The following SLC22A6 variants were observed in gnomAD, a reference collection of about 807,000 sequenced individuals.
SLC22A6 encodes the protein PAH transporter.
Under a neutral mutation model 56.7 loss-of-function variants are expected in SLC22A6, and 45 were observed. That is an observed-to-expected ratio of 0.79 (90% CI 0.63 to 1.02). The LOEUF is 1.02. SLC22A6 is among the 50% of genes least tolerant of loss of function. SLC22A6 has a pLI of 0.00. For synonymous variants in SLC22A6, 291 were observed against 295.9 expected (o/e 0.98, Z 0.17); for missense variants, 606 against 713.8 (o/e 0.85, Z 1.72).
intron 8 of SLC22A6, 79 bp from the exon 9 acceptor site, chr11:62,977,466 C>A: frequency 3.4e-6 from 5 of 1,492,368 alleles, no homozygotes; most frequent in Non-Finnish European, 3.6e-6. Flanking sequence ...TGGAGGGTGG[C>A]AGCTCAGGCT....
At position 62,977,396 on chromosome 11, in the gene SLC22A6, C is replaced by T. The variant is rs1199556225; in HGVS notation, c.1362-9G>A. 8 of 1,604,154 alleles carry T rather than the reference C, an allele frequency of 5.0e-6. No homozygotes were observed. Among genetic ancestry groups the T allele is most frequent in the South Asian group, 1.1e-5 (1 of 90,702 alleles). ...TTCCCATGCCTGTCTGCCTGCAGGG[C>T]CCGCAGCAGATGGGTGTTGGTTAGA... On this transcript the variant is annotated splice_polypyrimidine_tract_variant and intron_variant, in intron 8 of 9. Coordinates refer to ENST00000360421, the MANE Select transcript of SLC22A6 (RefSeq NM_153276.3).
rs754064955 is a variant in SLC22A6 at position 62,984,370 on chromosome 11, A to G, written c.321T>C (p.Asp107=). 1 of 1,613,542 alleles carries G rather than the reference A, an allele frequency of 6.2e-7. No individual in the cohort carries two copies. Among genetic ancestry groups the G allele is most frequent in the African/African-American group, 1.3e-5 (1 of 74,738 alleles). The change falls in exon 1 of 10, where the codon GAT becomes GAC. Residue 107 remains aspartate (D), a synonymous_variant. Coordinates refer to ENST00000360421, the MANE Select transcript of SLC22A6 (RefSeq NM_153276.3). ...NGTGATEPCT[D]GWIYDNSTFP... is the part of the protein sequence containing the mutation. ...AGGTGCTGTTGTCATAGATCCAGCC[A>G]TCGGTGCAGGGCTCTGTGGCCCCTG...
In SLC22A6 at chr11:62,981,868, A is replaced by G. The variant is rs1328414918; in HGVS notation, c.771T>C (p.Pro257=). The G allele has an allele frequency of 3.7e-6, 6 of 1,612,562 alleles. No individual in the cohort carries two copies. The African/African-American group carries it at 5.3e-5, about 14-fold the overall frequency. ...WRHLQLLVSA[P]FFAFFIYSWF... ...AGGAGTAGATGAAGAAGGCAAAAAA[A>G]GGCGCAGAGACCAGTAGCTGCAGGT... Residue 257 remains proline (P), a synonymous_variant, in exon 4 of 10, where the codon CCT becomes CCC. Coordinates refer to ENST00000360421, the MANE Select transcript of SLC22A6 (RefSeq NM_153276.3).
chr11:62,984,154 G>T, intron 1 of SLC22A6, 107 bp from the exon 2 acceptor site: 2 of 1,190,536 alleles, frequency 1.7e-6, no homozygotes, highest in Non-Finnish European at 2.4e-6. Flanking sequence ...TCTTCCTCCG[G>T]CACTTTGCCC....
chr11:62,979,681 A>G, intron 7 of SLC22A6, 53 bp downstream of exon 7: 1 of 1,593,630 alleles, frequency 6.3e-7, no homozygotes, highest in Non-Finnish European at 8.6e-7. Flanking sequence ...ATATTGGGTT[A>G]TGTGTGGGGA....
chr11:62,984,264 T>TA, intron 1 of SLC22A6, 58 bp downstream of exon 1: 1 of 1,513,158 alleles, frequency 6.6e-7, no homozygotes, highest in East Asian at 2.3e-5. Flanking sequence ...TTTTTTTTTT[T>TA]AACAAAGGCC....
Position 62,983,961 on chromosome 11 carries a change from G to C in SLC22A6, c.456C>G (p.Phe152Leu), listed in dbSNP as rs769299835. ...MVGVLLGAMV[F>L]GYLADRLGRR... ...GGACTGACCTGTCTGCAAGGTAGCC[G>C]AACACCATGGCTCCGAGCAGCACCC... Residue 152 changes from phenylalanine (F) to leucine (L), a missense_variant, in exon 2 of 10, where the codon TTC becomes TTG. By Grantham distance (22) the Phe-to-Leu change is conservative. Coordinates refer to ENST00000360421, the MANE Select transcript of SLC22A6 (RefSeq NM_153276.3). This position sits in a 1 kb window ranked among gnomAD's most constrained non-coding sequence, Gnocchi z 4.5. 6.2e-7 allele frequency: 1 copy of C among 1,612,766 alleles called. No homozygotes were observed. The highest frequency in any genetic ancestry group is 8.5e-7 in the Non-Finnish European group (1 of 1,179,054).
At position 62,977,361 on chromosome 11, in the gene SLC22A6, G is replaced by T; in HGVS notation, c.1388C>A (p.Thr463Asn). 1 of 1,611,762 alleles carries T rather than the reference G, an allele frequency of 6.2e-7. No homozygotes were observed. The change falls in exon 9 of 10, where the codon ACC (threonine) becomes AAC (asparagine). Residue 463 changes from threonine (T) to asparagine (N), a missense_variant. Transcript: ENST00000360421. The stretch of plus-strand genomic sequence containing the variant: ...CACGATGCTGCCCACTCGGGCCATG[G>T]TGCTGCCCATTCCCATGCCTGTCTG... ...IRQTGMGMGS[T>N]MARVGSIVSP...
intron 8 of SLC22A6, 45 bp from the exon 9 acceptor site, chr11:62,977,432 G>C (rs1455782881): frequency 6.4e-7 from 1 of 1,558,844 alleles, no homozygotes; most frequent in Non-Finnish European, 8.6e-7. Flanking sequence ...GTTCCAGCAT[G>C]AATGCCCAGA....
In SLC22A6 at chr11:62,977,252, A is replaced by C; in HGVS notation, c.1497T>G (p.Ala499=). Reference sequence around the variant, plus strand: ...GGGTCTCTGGCAGGAGGACAGTGACAGCGCTGGCGGCCACAGGAACAGCAC... The same window carrying C: ...GGGTCTCTGGCAGGAGGACAGTGACCGCGCTGGCGGCCACAGGAACAGCAC... ...IYGAVPVAAS[A]VTVLLPETLG... is the part of the protein sequence containing the mutation. Residue 499 remains alanine (A), a synonymous_variant, in exon 9 of 10, where the codon GCT becomes GCG. Transcript: ENST00000360421. The C allele has an allele frequency of 6.2e-7, 1 of 1,614,176 alleles. No individual in the cohort carries two copies. The highest frequency in any genetic ancestry group is 8.5e-7 in the Non-Finnish European group (1 of 1,180,040).
intron 6 of SLC22A6, among the ~76,000 whole-genome samples, chr11:62,980,239 A>G (rs1565285418): frequency 1.3e-5 from 2 of 152,126 alleles, no homozygotes; most frequent in Non-Finnish European, 2.9e-5. Flanking sequence ...CATCTTATCA[A>G]TTGATGCTGG....
At chr11:62,982,512 G>C (rs937828492) in intron 3 of SLC22A6, among the ~76,000 whole-genome samples, 9 of 152,222 alleles carry the variant, frequency 5.9e-5, no homozygotes, top group Non-Finnish European at 1.3e-4. Context: ...CTGGGACAGG[G>C]ACTTGGATAC....
In SLC22A6 at chr11:62,977,372, T is replaced by C; in HGVS notation, c.1377A>G (p.Gly459=). 1.9e-6 allele frequency: 3 copies of C among 1,610,562 alleles called. No homozygotes were observed. Among genetic ancestry groups the C allele is most frequent in the South Asian group, 1.1e-5 (1 of 91,028 alleles). ...CCACTCGGGCCATGGTGCTGCCCAT[T>C]CCCATGCCTGTCTGCCTGCAGGGCC... The part of the protein sequence containing the change: ...YPTMIRQTGM[G]MGSTMARVGS... The change falls in exon 9 of 10, where the codon GGA becomes GGG. Residue 459 remains glycine (G), a synonymous_variant. Transcript: ENST00000360421.
At position 62,979,744 on chromosome 11, in the gene SLC22A6, C is replaced by T. The variant is rs748076996; in HGVS notation, c.1242G>A (p.Val414=). Residue 414 remains valine (V), a synonymous_variant, in exon 7 of 10, where the codon GTG becomes GTA. Coordinates refer to ENST00000360421, the MANE Select transcript of SLC22A6 (RefSeq NM_153276.3). ...LAGICILLNG[V]IPQDQSIVRT... ...CTCGTGGGTGCTCACCCTGGGGTAT[C>T]ACCCCATTGAGCAGGATGCAGATGC... 1 of 1,613,288 alleles carries T rather than the reference C, an allele frequency of 6.2e-7. No homozygotes were observed. Among genetic ancestry groups the T allele is most frequent in the East Asian group, 2.2e-5 (1 of 44,868 alleles).
intron 8 of SLC22A6, among the ~76,000 whole-genome samples, chr11:62,979,282 C>T (rs528780029): frequency 3.9e-5 from 6 of 152,302 alleles, no homozygotes; most frequent in Admixed American, 6.5e-5. Context: ...TCTAGGGTCC[C>T]GTAAGGGCTT....
chr11:62,983,577 GC>G lies in SLC22A6; in HGVS notation c.587del (p.Gly196AlafsTer12). 1 of 1,577,138 alleles carries G rather than the reference GC, an allele frequency of 6.3e-7. No individual in the cohort carries two copies. The highest frequency in any genetic ancestry group is 2.3e-5 in the East Asian group (1 of 43,110). On this transcript the variant is annotated frameshift_variant, in exon 3 of 10. Coordinates refer to ENST00000360421, the MANE Select transcript of SLC22A6 (RefSeq NM_153276.3). LOFTEE classifies it high-confidence loss of function. The surrounding 1 kb of genome is among the most constrained non-coding windows in gnomAD (Gnocchi z 4.5). ...TGAGGGAGATGCCAGCCAGAGCCATGCCCGAGAGGAGCCGGAAGGCGCAGTA... is the reference window on the plus strand; with the variant it reads ...TGAGGGAGATGCCAGCCAGAGCCATGCCGAGAGGAGCCGGAAGGCGCAGTA... ...PIYCAFRLLS[G>X]MALAGISLNC...
rs567846922 is a variant in SLC22A6, at chr11:62,983,148, C to T, written c.628+389G>A. ...AAAGCTCCGCCTCCCGGGTTCACGC[C>T]ATTCTCCTGCCTCAGCCTCCCGAGT... On this transcript the variant is annotated intron_variant, in intron 3 of 9. Coordinates refer to ENST00000360421, the MANE Select transcript of SLC22A6 (RefSeq NM_153276.3). This position sits in a 1 kb window ranked among gnomAD's most constrained non-coding sequence, Gnocchi z 4.5. Among the ~76,000 whole-genome samples, 17 of 152,158 alleles carry T rather than the reference C, an allele frequency of 1.1e-4. No individual in the cohort carries two copies. The East Asian group carries it at 3.1e-3, about 28-fold the overall frequency.
At chr11:62,979,653 G>T in intron 7 of SLC22A6, 57 bp from the exon 8 acceptor site, 2 of 1,580,958 alleles carry the variant, frequency 1.3e-6, no homozygotes, top group African/African-American at 1.3e-5. Flanking sequence ...AGGAGGAATT[G>T]GCCCCCTCCC....
Position 62,983,915 on chromosome 11 carries a change from C to A in SLC22A6, c.473+29G>T. ...GCTGAGCCCCTAATCCCAGCCCAGC[C>A]CAGCCCCTTGACCCTACCCAGGACT... On this transcript the variant is annotated intron_variant, in intron 2 of 9. Coordinates refer to ENST00000360421, the MANE Select transcript of SLC22A6 (RefSeq NM_153276.3). The surrounding 1 kb of genome is among the most constrained non-coding windows in gnomAD (Gnocchi z 4.5). The A allele has an allele frequency of 6.5e-7, 1 of 1,535,260 alleles. No homozygotes were observed. The highest frequency in any genetic ancestry group is 9.0e-7 in the Non-Finnish European group (1 of 1,113,450).
Sources: allele counts gnomAD v4.1 joint callset (sites outside exome capture counted in the v4.1 genomes callset), GRCh38; gene constraint gnomAD v4.1.1; non-coding constraint Gnocchi (gnomAD v3.1); transcripts MANE v1.5; gene names NCBI Gene and HGNC (gene_info 2026-07-23, HGNC 2026-07-21).